Variants in MGRN1 observed in about 807,000 individuals in gnomAD.
MGRN1 encodes E3 ubiquitin-protein ligase MGRN1.
MGRN1 carries 29 observed loss-of-function variants against 69.2 expected under a neutral mutation model. The observed-to-expected ratio is 0.42, with a 90% CI of 0.31 to 0.57. The LOEUF is 0.57. MGRN1 is among the 20% of genes least tolerant of loss of function. MGRN1 has a pLI of 0.15. For missense variants in MGRN1, 998 were observed against 796.2 expected (o/e 1.25, Z -3.05); for synonymous variants, 470 against 344.2 (o/e 1.37, Z -4.04).
chr16:4,650,526 AGG>A (rs753274775), intron 2 of MGRN1, 43 bp downstream of exon 2: 1 of 1,478,946 alleles, frequency 6.8e-7, no homozygotes, highest in African/African-American at 1.4e-5. Context: ...TGGGGGTGGG[AGG>A]CCCCTGTCCC....
At chr16:4,688,174 C>T in intron 16 of MGRN1, 3 of 985,580 alleles carry the variant, frequency 3.0e-6, no homozygotes, top group Non-Finnish European at 3.6e-6. Context: ...TGTCAGGCAG[C>T]CCTGAGGCCA....
At chr16:4,664,480 G>A in intron 5 of MGRN1, 1 of 588,364 alleles carries the variant, frequency 1.7e-6, no homozygotes, top group East Asian at 2.8e-5. Flanking sequence ...ACTCAACGCT[G>A]TTGAAACGTA....
intron 8 of MGRN1, among the ~76,000 whole-genome samples, chr16:4,669,835 T>G (rs2078899300): frequency 6.6e-6 from 1 of 152,112 alleles, no homozygotes; most frequent in Admixed American, 6.5e-5. Flanking sequence ...CCTGGGATGC[T>G]GCATTGGGAA....
At chr16:4,650,744 C>G (rs1382975912) in intron 2 of MGRN1, 2 of 344,882 alleles carry the variant, frequency 5.8e-6, no homozygotes, top group African/African-American at 4.2e-5. Context: ...TGCGTCTGGG[C>G]TGCAACGGCT....
At chr16:4,685,823 G>A (rs1031842544) in intron 16 of MGRN1, among the ~76,000 whole-genome samples, 1 of 152,224 alleles carries the variant, frequency 6.6e-6, no homozygotes, top group Non-Finnish European at 1.5e-5. Context: ...GCTGCCTGGC[G>A]GGGTGGGCGG....
chr16:4,625,684 C>T (rs769029516), intron 1 of MGRN1, among the ~76,000 whole-genome samples: 1 of 152,236 alleles, frequency 6.6e-6, no homozygotes, highest in African/African-American at 2.4e-5. Flanking sequence ...CTGCCAAGAT[C>T]TCAGCTGGAT....
intron 1 of MGRN1, chr16:4,640,691 G>T (rs1010587312): frequency 6.6e-6 from 1 of 152,304 alleles, no homozygotes; most frequent in Non-Finnish European, 1.5e-5. Context: ...GAGCCCACAG[G>T]AGGATTTTCA....
At chr16:4,629,062 C>G (rs964864729) in intron 1 of MGRN1, among the ~76,000 whole-genome samples, 5 of 152,122 alleles carry the variant, frequency 3.3e-5, no homozygotes, top group South Asian at 4.2e-4. Context: ...GTTTCGAACT[C>G]CCGACCTCAG....
Position 4,664,763 on chromosome 16 carries a change from G to C in MGRN1, c.616G>C (p.Asp206His). ...VFPVVIQAVV[D>H]EGDVVEVTGH... ...TCCAGTAGTCATCCAGGCTGTGGTGGACGAAGGAGATGGTGAGTGCGTCCT... is the reference window on the plus strand; with the variant it reads ...TCCAGTAGTCATCCAGGCTGTGGTGCACGAAGGAGATGGTGAGTGCGTCCT... The change falls in exon 6 of 17, where the codon GAC (aspartate) becomes CAC (histidine). Residue 206 changes from aspartate to histidine, a missense_variant. By Grantham distance (81) the Asp-to-His change is moderately conservative. Transcript: ENST00000262370. 6.2e-7 allele frequency: 1 copy of C among 1,614,236 alleles called. No individual in the cohort carries two copies. The highest frequency in any genetic ancestry group is 1.1e-5 in the South Asian group (1 of 91,086).
At chr16:4,644,003 C>T (rs929138150) in intron 1 of MGRN1, among the ~76,000 whole-genome samples, 3 of 151,920 alleles carry the variant, frequency 2.0e-5, no homozygotes, top group East Asian at 1.9e-4. Flanking sequence ...GATGGAGTCT[C>T]GCTCTGTTGC....
chr16:4,640,859 G>T (rs1395108194), intron 1 of MGRN1, among the ~76,000 whole-genome samples: 1 of 152,256 alleles, frequency 6.6e-6, no homozygotes, highest in South Asian at 2.1e-4. Flanking sequence ...GGGCTCTGGA[G>T]TCGGGGTGTG....
At chr16:4,678,418 GAC>G (rs2079101959) in intron 11 of MGRN1, among the ~76,000 whole-genome samples, 1 of 152,200 alleles carries the variant, frequency 6.6e-6, no homozygotes, top group Non-Finnish European at 1.5e-5. Flanking sequence ...AATGTGGAGA[GAC>G]ACAGAGACAG....
At chr16:4,679,900 T>G (rs2079139858) in intron 11 of MGRN1, 132 bp from the exon 12 acceptor site, 1 of 861,782 alleles carries the variant, frequency 1.2e-6, no homozygotes, top group African/African-American at 1.7e-5. Flanking sequence ...AGTCCCGAGA[T>G]TCACGTCCCC....
At position 4,664,755 on chromosome 16, in the gene MGRN1, C is replaced by T. The variant is rs1169730863; in HGVS notation, c.608C>T (p.Ala203Val). 2.5e-6 allele frequency: 4 copies of T among 1,614,098 alleles called. No homozygotes were observed. The highest frequency in any genetic ancestry group is 3.4e-6 in the Non-Finnish European group (4 of 1,180,052). ...GGCGTGTTTCCAGTAGTCATCCAGG[C>T]TGTGGTGGACGAAGGAGATGGTGAG... ...DRGVFPVVIQ[A>V]VVDEGDVVEV... Residue 203 changes from alanine (A) to valine (V), a missense_variant, in exon 6 of 17, where the codon GCT becomes GTT. Transcript: ENST00000262370.
rs910796540 is a variant in MGRN1 at position 4,690,419 on chromosome 16, C to T, written c.*1511C>T. ...GCAGCTCAGTACCCTCCCTGAGGCT[C>T]ACGGTGGCTCCGAGCATGAGGTCCG... is the stretch of plus-strand genomic sequence containing the variant. On this transcript the variant is annotated 3_prime_UTR_variant, in exon 17 of 17. Coordinates refer to ENST00000262370, the MANE Select transcript of MGRN1 (RefSeq NM_015246.4). 6.6e-6 allele frequency: 1 copy of T among 152,108 alleles called. No individual in the cohort carries two copies. Among genetic ancestry groups the T allele is most frequent in the African/African-American group, 2.4e-5 (1 of 41,410 alleles). The allele number at this position is 152,108 out of a possible 1,614,324, so 9.4% of individuals were successfully genotyped here. A position where few individuals can be genotyped will look rare whatever the true frequency, so the allele number is the denominator to read the frequency against.
intron 5 of MGRN1, 72 bp downstream of exon 5, chr16:4,657,435 C>T (rs1334575917): frequency 4.2e-6 from 6 of 1,413,314 alleles, no homozygotes; most frequent in African/African-American, 4.2e-5. Flanking sequence ...GGGGCCAGCA[C>T]AGTGGGGTCT....
intron 12 of MGRN1, 90 bp downstream of exon 12, chr16:4,680,187 C>T (rs543388428): frequency 6.2e-6 from 8 of 1,293,240 alleles, no homozygotes; most frequent in African/African-American, 3.0e-5. Flanking sequence ...CCGCCCCAGG[C>T]TAGTGTCTGA....
At chr16:4,642,977 A>G (rs1176849454) in intron 1 of MGRN1, among the ~76,000 whole-genome samples, 2 of 119,160 alleles carry the variant, frequency 1.7e-5, no homozygotes, top group Non-Finnish European at 3.3e-5. Flanking sequence ...TTTTGTTTTG[A>G]GACAGTCCCA....
chr16:4,658,851 G>A (rs934489955), intron 5 of MGRN1: 9 of 152,152 alleles, frequency 5.9e-5, no homozygotes, highest in African/African-American at 2.2e-4. Context: ...ACAAAAATTA[G>A]CTGGATGTGG....
Sources: gnomAD v4.1 joint callset for allele counts (sites outside exome capture counted in the v4.1 genomes callset) on GRCh38, gnomAD v4.1.1 for gene constraint, MANE v1.5 for transcripts, NCBI Gene and HGNC (gene_info 2026-07-23, HGNC 2026-07-21) for gene names.